The following MATR3 variants were observed in gnomAD, a reference collection of about 807,000 sequenced individuals.
MATR3 encodes matrin 3, also known as matrin-3.
Under a neutral mutation model 85.5 loss-of-function variants are expected in MATR3, and 4 were observed. The observed-to-expected ratio is 0.05, with a 90% CI of 0.02 to 0.11. The LOEUF is 0.11. MATR3 is among the 10% of genes least tolerant of loss of function. MATR3 has a pLI of 1.00. For missense variants in MATR3, 685 were observed against 1,016.1 expected (o/e 0.67, Z 4.43); for synonymous variants, 336 against 343.1 (o/e 0.98, Z 0.23).
At chr5:139,292,693 A>T (rs757149822), upstream of MATR3, among the ~76,000 whole-genome samples, 3 of 152,158 alleles carry the variant, frequency 2.0e-5, no homozygotes, top group Non-Finnish European at 2.9e-5. Context: ...CCAGCTGGCC[A>T]CTTTGGGAGG....
intron 9 of MATR3, among the ~76,000 whole-genome samples, chr5:139,320,036 C>T (rs1005711955): frequency 6.8e-6 from 1 of 147,562 alleles, no homozygotes; most frequent in African/African-American, 2.5e-5. Flanking sequence ...TAGCCAGTCG[C>T]AGTGGCTCAC....
At position 139,300,815 on chromosome 5, in the gene MATR3, G is replaced by A. The variant is rs561904729; in HGVS notation, c.-177-6424G>A. 2.0e-5 allele frequency among the ~76,000 whole-genome samples: 3 copies of A among 151,860 alleles called. No individual in the cohort carries two copies. In the East Asian group the frequency reaches 5.8e-4, roughly 30 times the overall value. On this transcript the variant is annotated intron_variant, in intron 1 of 14. Transcript: ENST00000394805. The stretch of plus-strand genomic sequence containing the variant: ...ATGCCACCACACCTGGCTGATTTTT[G>A]GTGTTTTGTTGTTTTGAGACAGAGT...
chr5:139,309,893 G>GACATA (rs754311163), intron 2 of MATR3: 5 of 152,112 alleles, frequency 3.3e-5, no homozygotes, highest in Non-Finnish European at 7.4e-5. Context: ...GGAAATAATA[G>GACATA]CAGAAATGTC....
At chr5:139,321,267 A>G (rs1755552628) in intron 9 of MATR3, among the ~76,000 whole-genome samples, 1 of 151,994 alleles carries the variant, frequency 6.6e-6, no homozygotes, top group Admixed American at 6.6e-5. Context: ...CTCCTATGTC[A>G]GCCTTCCAAG....
chr5:139,317,592 A>G lies in MATR3; in HGVS notation c.1183-4A>G. On this transcript the variant is annotated splice_region_variant and splice_polypyrimidine_tract_variant and intron_variant, in intron 6 of 14. Coordinates refer to ENST00000394805, the MANE Select transcript of MATR3 (RefSeq NM_018834.6). ...TTGCTTGGTTTTTTTCCCCTAATGG[A>G]TAGGAAACTAGCAGAGTTGTTCACA... is the stretch of plus-strand genomic sequence containing the variant. 5 of 1,611,640 alleles carry G rather than the reference A, an allele frequency of 3.1e-6. No individual in the cohort carries two copies. The highest frequency in any genetic ancestry group is 4.2e-6 in the Non-Finnish European group (5 of 1,179,724).
At chr5:139,288,069 A>T (rs1561921961) in intron 3 of MATR3, among the ~76,000 whole-genome samples, 1 of 149,428 alleles carries the variant, frequency 6.7e-6, no homozygotes, top group Non-Finnish European at 1.5e-5. Flanking sequence ...AAAAAAAATT[A>T]GCTGGGTTTG....
At chr5:139,312,522 C>T (rs1755041693) in intron 2 of MATR3, 1 of 152,156 alleles carries the variant, frequency 6.6e-6, no homozygotes, top group Non-Finnish European at 1.5e-5. Context: ...AGTTCCTTAG[C>T]TATTAGCCAT....
chr5:139,278,879 A>G (rs779093065), intron 2 of MATR3: 3 of 517,336 alleles, frequency 5.8e-6, no homozygotes, highest in Non-Finnish European at 1.2e-5. Flanking sequence ...GGCTCCAAGC[A>G]CTGTTTTGGT....
rs1183851948 is a variant in MATR3, at chr5:139,329,638, T to C, written c.*243T>C. The stretch of plus-strand genomic sequence containing the variant: ...AACAGACAGAAGTACTTTGTAGAGA[T>C]TGACTTCCTAAGCTACTTAAGACAA... On this transcript the variant is annotated 3_prime_UTR_variant, in exon 15 of 15. Coordinates refer to ENST00000394805, the MANE Select transcript of MATR3 (RefSeq NM_018834.6). The C allele has an allele frequency of 2.1e-5, 11 of 523,484 alleles. No homozygotes were observed. In the East Asian group the frequency reaches 3.4e-4, roughly 16 times the overall value. The allele number at this position is 523,484 out of a possible 1,614,324, so 32.4% of individuals were successfully genotyped here.
chr5:139,297,821 A>G (rs149233633), intron 1 of MATR3, among the ~76,000 whole-genome samples: 1 of 152,342 alleles, frequency 6.6e-6, no homozygotes, highest in Non-Finnish European at 1.5e-5. Flanking sequence ...AAGCTATTCC[A>G]AAATTTAAAG....
At chr5:139,309,723 T>C (rs761008862) in intron 2 of MATR3, among the ~76,000 whole-genome samples, 1 of 152,176 alleles carries the variant, frequency 6.6e-6, no homozygotes, top group Non-Finnish European at 1.5e-5. Flanking sequence ...TACCTTTTCC[T>C]AAATTTGTTG....
rs1658318995 is a variant in MATR3 at position 139,318,814 on chromosome 5, G to A, written c.1309-94G>A. The A allele has an allele frequency of 2.5e-5, 27 of 1,094,204 alleles. No homozygotes were observed. The South Asian group carries it at 2.6e-4, about 11-fold the overall frequency. 67.8% of individuals were successfully genotyped at this position (1,094,204 alleles called of 1,614,324 possible). On this transcript the variant is annotated intron_variant, in intron 7 of 14. Coordinates refer to ENST00000394805, the MANE Select transcript of MATR3 (RefSeq NM_018834.6). ...TGATTAAATATATCTGAAAAGATTT[G>A]GGGCATTGTTATTTTTTAGGAAAAA...
chr5:139,314,600 C>G (rs1755152927), intron 2 of MATR3, 75 bp from the exon 3 acceptor site: 2 of 1,179,968 alleles, frequency 1.7e-6, no homozygotes, highest in African/African-American at 3.0e-5. Context: ...ACATTAATAT[C>G]CTAGAGTTTG....
chr5:139,326,742 T>C (rs369220702), intron 14 of MATR3, among the ~76,000 whole-genome samples: 1 of 152,154 alleles, frequency 6.6e-6, no homozygotes, highest in South Asian at 2.1e-4. Context: ...TCTTTATTGA[T>C]GGGTTATCAA....
intron 14 of MATR3, among the ~76,000 whole-genome samples, chr5:139,328,346 A>G (rs1561946890): frequency 6.6e-6 from 1 of 152,136 alleles, no homozygotes; most frequent in Non-Finnish European, 1.5e-5. Context: ...ACTATTTTGC[A>G]TTAACTATAT....
chr5:139,322,143 G>A, intron 10 of MATR3, 114 bp downstream of exon 10: 7 of 1,275,534 alleles, frequency 5.5e-6, no homozygotes, highest in African/African-American at 1.5e-5. Context: ...GAAACCTATT[G>A]AAATAAGTTA....
intron 3 of MATR3, among the ~76,000 whole-genome samples, chr5:139,281,523 T>C (rs1216853332): frequency 2.0e-5 from 3 of 151,916 alleles, no homozygotes; most frequent in Non-Finnish European, 4.4e-5. Context: ...TTTTTTTGTA[T>C]TTTTAGTAGA....
At chr5:139,316,905 C>G in intron 5 of MATR3, 148 bp from the exon 6 acceptor site, 1 of 703,512 alleles carries the variant, frequency 1.4e-6, no homozygotes, top group East Asian at 2.8e-5. Flanking sequence ...AAATATTACA[C>G]AGAAAAAACA....
chr5:139,318,506 T>TGAGG (rs1755371371), intron 7 of MATR3, among the ~76,000 whole-genome samples: 2 of 152,162 alleles, frequency 1.3e-5, no homozygotes, highest in South Asian at 4.1e-4. Context: ...TGGAGTGCAG[T>TGAGG]GAGGTTCACT....
Sources: gnomAD v4.1 joint callset for allele counts (sites outside exome capture counted in the v4.1 genomes callset) on GRCh38, gnomAD v4.1.1 for gene constraint, MANE v1.5 for transcripts, NCBI Gene and HGNC (gene_info 2026-07-23, HGNC 2026-07-21) for gene names.